Variants in MYO1C observed in about 807,000 individuals in gnomAD.
MYO1C encodes the protein myosin IC.
Under a neutral mutation model 150.8 loss-of-function variants are expected in MYO1C, and 104 were observed. The ratio of observed to expected loss-of-function variants is 0.69; its 90% confidence interval spans 0.59 to 0.81. The LOEUF (loss-of-function observed/expected upper bound fraction) is 0.81, where lower values mean the gene tolerates loss of function less well. MYO1C is among the 30% of genes least tolerant of loss of function. MYO1C has a pLI of 0.00. For synonymous variants in MYO1C, 663 were observed against 579.9 expected, an observed-to-expected ratio of 1.14 and a Z score of -2.06; for missense variants, 1,504 against 1,435.0, an observed-to-expected ratio of 1.05 and a Z score of -0.78.
At chr17:1,486,718 G>A (rs112054946) in intron 1 of MYO1C, among the ~76,000 whole-genome samples, 8,255 of 152,172 alleles carry the variant, frequency 0.054, 277 homozygotes, top group African/African-American at 0.093. Context: ...GTTTTACCAT[G>A]TTGGCCAAGC....
At position 1,484,272 on chromosome 17, in the gene MYO1C, A is replaced by G. The variant is rs766402351; in HGVS notation, c.107T>C (p.Met36Thr). ...ALGSDGVRVT[M>T]ESALTARDRV... ...GTCACGGGCGGTGAGCGCACTCTCC[A>G]TGGTCACCCGAACCCCGTCACTGCC... Residue 36 changes from methionine to threonine, a missense_variant, in exon 2 of 32, where the codon ATG becomes ACG. Coordinates refer to ENST00000648651, the MANE Select transcript of MYO1C (RefSeq NM_001080779.2). 1.9e-6 allele frequency: 3 copies of G among 1,611,690 alleles called. No individual in the cohort carries two copies. The highest frequency in any genetic ancestry group is 2.5e-6 in the Non-Finnish European group (3 of 1,179,996).
chr17:1,465,689 A>G lies in MYO1C; in HGVS notation c.*37T>C. The G allele has an allele frequency of 7.5e-7, 1 of 1,329,302 alleles. No individual in the cohort carries two copies. The highest frequency in any genetic ancestry group is 9.7e-7 in the Non-Finnish European group (1 of 1,029,528). 82.3% of individuals were successfully genotyped at this position (1,329,302 alleles called of 1,614,324 possible). A position where few individuals can be genotyped will look rare whatever the true frequency, so the allele number is the denominator to read the frequency against. On this transcript the variant is annotated 3_prime_UTR_variant, in exon 32 of 32. Coordinates refer to ENST00000648651, the MANE Select transcript of MYO1C (RefSeq NM_001080779.2). ...GGGAAGGGGAGGAGGAGAAAAGCAA[A>G]GCATTGGGCGTTGGGAGGGTCCAGT...
Position 1,479,672 on chromosome 17 carries a change from A to G in MYO1C, c.940T>C (p.Leu314=), listed in dbSNP as rs745578140. 1.2e-6 allele frequency: 2 copies of G among 1,613,254 alleles called. No homozygotes were observed. Among genetic ancestry groups the G allele is most frequent in the Admixed American group, 1.7e-5 (1 of 59,972 alleles). Reference sequence around the variant, plus strand: ...TTGGCAGCAAAGTGGATGTTGCCCAAATGAAGGACGCTGGCCACGATGCTC... The same window carrying G: ...TTGGCAGCAAAGTGGATGTTGCCCAGATGAAGGACGCTGGCCACGATGCTC... ...LLSIVASVLH[L]GNIHFAANEE... is the part of the protein sequence containing the mutation. Residue 314 remains leucine, a synonymous_variant, in exon 8 of 32, where the codon TTG becomes CTG. Transcript: ENST00000648651. This position sits in a 1 kb window ranked among gnomAD's most constrained non-coding sequence, Gnocchi z 4.2.
At chr17:1,491,709 G>C in intron 1 of MYO1C, 5 of 935,498 alleles carry the variant, frequency 5.3e-6, no homozygotes, top group Non-Finnish European at 6.4e-6. Context: ...GGGCCGGGCC[G>C]CAGCCTGTCG....
intron 3 of MYO1C, 86 bp from the exon 4 acceptor site, chr17:1,483,145 C>T (rs910295296): frequency 1.8e-5 from 24 of 1,356,180 alleles, no homozygotes; most frequent in Non-Finnish European, 2.4e-5. Flanking sequence ...GGGTGGAGTC[C>T]TCTTGTGGGA....
rs780250155 is a variant in MYO1C, at chr17:1,483,047, C to G, written c.360G>C (p.Ala120=). ...TGCGCAGTGCTCGGTACACAGTGTC[C>G]GCCACGGCAAACCTGGGGCGGAGGC... ...YEVPPHLFAV[A]DTVYRALRTE... Residue 120 remains alanine (A), a synonymous_variant, in exon 4 of 32, where the codon GCG becomes GCC. Coordinates refer to ENST00000648651, the MANE Select transcript of MYO1C (RefSeq NM_001080779.2). The G allele has an allele frequency of 1.9e-6, 3 of 1,607,642 alleles. No individual in the cohort carries two copies. Among genetic ancestry groups the G allele is most frequent in the African/African-American group, 1.3e-5 (1 of 74,922 alleles).
chr17:1,484,264 C>A lies in MYO1C; in HGVS notation c.115G>T (p.Ala39Ser). ...CCCACCCGGTCACGGGCGGTGAGCG[C>A]ACTCTCCATGGTCACCCGAACCCCG... ...SDGVRVTMES[A>S]LTARDRVGVQ... The change falls in exon 2 of 32, where the codon GCG (alanine) becomes TCG (serine). Residue 39 changes from alanine to serine, a missense_variant. Coordinates refer to ENST00000648651, the MANE Select transcript of MYO1C (RefSeq NM_001080779.2). The A allele has an allele frequency of 6.2e-7, 1 of 1,612,154 alleles. No individual in the cohort carries two copies. Among genetic ancestry groups the A allele is most frequent in the Non-Finnish European group, 8.5e-7 (1 of 1,180,016 alleles).
At chr17:1,474,791 G>GCCA in intron 16 of MYO1C, 21 bp downstream of exon 16, 1 of 1,551,832 alleles carries the variant, frequency 6.4e-7, no homozygotes, top group Non-Finnish European at 8.9e-7. Context: ...CCCCACCCCG[G>GCCA]CCTCCCCACG....
chr17:1,479,545 C>CCCCCCCCCCCCCCCGGCA lies in MYO1C; in HGVS notation c.1021-44_1021-43insTGCCGGGGGGGGGGGGGG. 1.5e-6 allele frequency: 2 copies of CCCCCCCCCCCCCCCGGCA among 1,320,344 alleles called. No individual in the cohort carries two copies. Among genetic ancestry groups the CCCCCCCCCCCCCCCGGCA allele is most frequent in the Non-Finnish European group, 2.1e-6 (2 of 935,772 alleles). The allele number at this position is 1,320,344 out of a possible 1,614,324, so 81.8% of individuals were successfully genotyped here. A position where few individuals can be genotyped will look rare whatever the true frequency, so the allele number is the denominator to read the frequency against. ...GGACACGGTGAGGGTGCACCCCCAG[C>CCCCCCCCCCCCCCCGGCA]CCCCGCCCCCGCCGTCCTCCCGTCG... On this transcript the variant is annotated intron_variant, in intron 8 of 31. Transcript: ENST00000648651. The surrounding 1 kb of genome is among the most constrained non-coding windows in gnomAD (Gnocchi z 4.2).
Position 1,467,895 on chromosome 17 carries a change from CT to C in MYO1C, c.2911del (p.Ser971AlafsTer2). ...AAGCACAAAAAGACTGTCGCTCAGG[CT>C]GCTGACAGAGATTCCTGAGGGGAGA... ...YANLTGISVSSLSDSLFVLHV... is the reference protein window; with the variant it reads ...YANLTGISVSXLSDSLFVLHV... On this transcript the variant is annotated frameshift_variant, in exon 29 of 32. Transcript: ENST00000648651. LOFTEE classifies it high-confidence loss of function. 6.2e-7 allele frequency: 1 copy of C among 1,611,780 alleles called. No individual in the cohort carries two copies. Among genetic ancestry groups the C allele is most frequent in the Non-Finnish European group, 8.5e-7 (1 of 1,179,650 alleles).
chr17:1,473,397 G>A (rs923066540), intron 17 of MYO1C, among the ~76,000 whole-genome samples: 4 of 152,070 alleles, frequency 2.6e-5, no homozygotes, highest in Non-Finnish European at 4.4e-5. Context: ...AGGCCTGGGC[G>A]GGAGGGTGTG....
At chr17:1,470,723 C>CGCGGGGAGCCA (rs1567517544) in intron 21 of MYO1C, 34 bp from the exon 22 acceptor site, 9 of 1,587,672 alleles carry the variant, frequency 5.7e-6, no homozygotes, top group Non-Finnish European at 7.7e-6. Flanking sequence ...TTGGCCAGAG[C>CGCGGGGAGCCA]GCGGGGAGCC....
intron 17 of MYO1C, among the ~76,000 whole-genome samples, chr17:1,473,461 G>A (rs1290729082): frequency 3.3e-5 from 5 of 152,034 alleles, no homozygotes; most frequent in Non-Finnish European, 7.4e-5. Context: ...TGCTTCGGGA[G>A]AGGGTGGGGT....
chr17:1,467,417 C>G, intron 30 of MYO1C, 63 bp downstream of exon 30: 1 of 1,598,884 alleles, frequency 6.3e-7, no homozygotes, highest in Non-Finnish European at 8.5e-7. Context: ...CACCCTGTCC[C>G]TGGGTGCCCA....
chr17:1,477,410 TG>T, intron 14 of MYO1C, 94 bp downstream of exon 14: 1 of 1,135,348 alleles, frequency 8.8e-7, no homozygotes, highest in Non-Finnish European at 1.3e-6. Flanking sequence ...CACCTCCTTG[TG>T]GCTGGTGTTT....
At position 1,467,887 on chromosome 17, in the gene MYO1C, C is replaced by T. The variant is rs543295879; in HGVS notation, c.2920G>A (p.Asp974Asn). 13 of 1,610,860 alleles carry T rather than the reference C, an allele frequency of 8.1e-6. No homozygotes were observed. The highest frequency in any genetic ancestry group is 2.2e-5 in the South Asian group (2 of 90,876). Residue 974 changes from aspartate to asparagine, a missense_variant, in exon 29 of 32, where the codon GAC (aspartate) becomes AAC (asparagine). By Grantham distance (23) the Asp-to-Asn change is conservative. Transcript: ENST00000648651. ...TGTACATGAAGCACAAAAAGACTGT[C>T]GCTCAGGCTGCTGACAGAGATTCCT... ...LTGISVSSLS[D>N]SLFVLHVQRA...
chr17:1,491,263 G>GAACGGGAAGGGGCGGAT (rs1277791481), intron 1 of MYO1C: 1 of 152,436 alleles, frequency 6.6e-6, no homozygotes, highest in African/African-American at 2.4e-5. Flanking sequence ...CAGGGGCGGA[G>GAACGGGAAGGGGCGGAT]AACGGGAAGG....
At chr17:1,465,805 C>G (rs2074158178) in intron 31 of MYO1C, 53 bp from the exon 32 acceptor site, 2 of 1,264,414 alleles carry the variant, frequency 1.6e-6, no homozygotes, top group Non-Finnish European at 2.0e-6. Flanking sequence ...ACGGGGGCCC[C>G]GGTACTCAGA....
At position 1,469,419 on chromosome 17, in the gene MYO1C, C is replaced by T; in HGVS notation, c.2610+112G>A. ...AGATCGGGGTAAATACGGTAGAACG[C>T]GGTAAATACGGTAGACCGGGGTAAA... On this transcript the variant is annotated intron_variant, in intron 25 of 31. Transcript: ENST00000648651. 4.8e-6 allele frequency: 5 copies of T among 1,047,224 alleles called. No homozygotes were observed. In the Admixed American group the frequency reaches 6.0e-5, roughly 12 times the overall value. 64.9% of individuals were successfully genotyped at this position (1,047,224 alleles called of 1,614,324 possible).
Sources: gnomAD v4.1 joint callset for allele counts (sites outside exome capture counted in the v4.1 genomes callset) on GRCh38, gnomAD v4.1.1 for gene constraint, Gnocchi (gnomAD v3.1) non-coding constraint, MANE v1.5 for transcripts, NCBI Gene and HGNC (gene_info 2026-07-23, HGNC 2026-07-21) for gene names.